The following DYRK1B variants were observed in gnomAD, a reference collection of about 807,000 sequenced individuals.
DYRK1B encodes the protein dual specificity tyrosine-phosphorylation-regulated kinase 1B.
DYRK1B carries 20 observed loss-of-function variants against 57.1 expected under a neutral mutation model. That is an observed-to-expected ratio of 0.35 (90% CI 0.25 to 0.51). DYRK1B has a LOEUF of 0.51. Ranked by LOEUF, DYRK1B falls within the 20% of genes least tolerant of loss-of-function variation. DYRK1B has a pLI of 0.96. For missense variants in DYRK1B, 732 were observed against 886.3 expected, an observed-to-expected ratio of 0.83 and a Z score of 2.21; for synonymous variants, 409 against 384.7, an observed-to-expected ratio of 1.06 and a Z score of -0.74.
Position 39,825,415 on chromosome 19 carries a change from C to G in DYRK1B, c.*300G>C. 1 of 382,176 alleles carries G rather than the reference C, an allele frequency of 2.6e-6. No homozygotes were observed. The highest frequency in any genetic ancestry group is 4.7e-6 in the Non-Finnish European group (1 of 210,652). The allele number at this position is 382,176 out of a possible 1,614,324, so 23.7% of individuals were successfully genotyped here. A position where few individuals can be genotyped will look rare whatever the true frequency, so the allele number is the denominator to read the frequency against. The stretch of plus-strand genomic sequence containing the variant: ...AAGGCCATCTCCCCCTACCTGCCCC[C>G]ACCCCCTCCTAGGGTCCTGGGGTGA... On this transcript the variant is annotated 3_prime_UTR_variant, in exon 11 of 11. Coordinates refer to ENST00000323039, the MANE Select transcript of DYRK1B (RefSeq NM_004714.3).
At chr19:39,831,207 A>T (rs1968793569) in intron 2 of DYRK1B, among the ~76,000 whole-genome samples, 1 of 151,900 alleles carries the variant, frequency 6.6e-6, no homozygotes. Flanking sequence ...TACTCCCACC[A>T]ACTCTTTGCA....
chr19:39,833,196 C>T (rs1031149174), intron 1 of DYRK1B: 32 of 985,856 alleles, frequency 3.2e-5, no homozygotes, highest in Non-Finnish European at 3.7e-5. Flanking sequence ...CTTGGAGCTT[C>T]CCCCAAAAAA....
rs1968721343 is a variant in DYRK1B, at chr19:39,829,795, A to T, written c.520+85T>A. The stretch of plus-strand genomic sequence containing the variant: ...CTGAAGACATCAGCCTCCTCCTGAG[A>T]GTAGGGCGGGGGTGTGACCCATCCC... On this transcript the variant is annotated intron_variant, in intron 5 of 10. Transcript: ENST00000323039. 10 of 1,493,602 alleles carry T rather than the reference A, an allele frequency of 6.7e-6. No individual in the cohort carries two copies. In the South Asian group the frequency reaches 1.0e-4, roughly 15 times the overall value. 92.5% of individuals were successfully genotyped at this position (1,493,602 alleles called of 1,614,324 possible).
chr19:39,833,000 G>C, intron 1 of DYRK1B: 1 of 985,112 alleles, frequency 1.0e-6, no homozygotes, highest in Non-Finnish European at 1.2e-6. Flanking sequence ...CTTTATACCA[G>C]GGTCATTCCA....
Position 39,828,603 on chromosome 19 carries a change from A to G in DYRK1B, c.521-20T>C. Reference sequence around the variant, plus strand: ...GGTGTACTGCGGGGGAGGGGAGGAAATGGGCCAGAGAAGAAACGGCTCAGA... The same window carrying G: ...GGTGTACTGCGGGGGAGGGGAGGAAGTGGGCCAGAGAAGAAACGGCTCAGA... On this transcript the variant is annotated intron_variant, in intron 5 of 10. Transcript: ENST00000323039. The surrounding 1 kb of genome is among the most constrained non-coding windows in gnomAD (Gnocchi z 4.3). The G allele has an allele frequency of 6.3e-7, 1 of 1,597,168 alleles. No individual in the cohort carries two copies. The highest frequency in any genetic ancestry group is 8.6e-7 in the Non-Finnish European group (1 of 1,167,826).
rs560281747 is a variant in DYRK1B at position 39,826,754 on chromosome 19, C to T, written c.1329G>A (p.Pro443=). Residue 443 remains proline, a synonymous_variant, in exon 9 of 11, where the codon CCG becomes CCA. Coordinates refer to ENST00000323039, the MANE Select transcript of DYRK1B (RefSeq NM_004714.3). This position sits in a 1 kb window ranked among gnomAD's most constrained non-coding sequence, Gnocchi z 6.3. The part of the protein sequence containing the change: ...RTADEATNTG[P]AGSSASTSPA... ...GCGAGGTGGAGGCACTGCTGCCTGC[C>T]GGGCCCGTGTTGGTGGCCTCGTCGG... 40 of 1,589,102 alleles carry T rather than the reference C, an allele frequency of 2.5e-5. No homozygotes were observed. The highest frequency in any genetic ancestry group is 8.0e-5 in the South Asian group (7 of 87,228).
Position 39,825,866 on chromosome 19 carries a change from G to A in DYRK1B, c.1739C>T (p.Pro580Leu), listed in dbSNP as rs1271897562. 1 of 1,601,124 alleles carries A rather than the reference G, an allele frequency of 6.2e-7. No individual in the cohort carries two copies. The stretch of plus-strand genomic sequence containing the variant: ...AGCCGGGTGCTGGGGGGCAGGCGCT[G>A]GGTGAGGTGGGGAGCAGTCAGCAGG... ...GGPADCSPPH[P>L]APAPQHPAAS... The change falls in exon 11 of 11, where the codon CCA becomes CTA. Residue 580 changes from proline (P) to leucine (L), a missense_variant. Physicochemically the swap from Pro to Leu is moderately conservative, Grantham distance 98 (BLOSUM62 -3). Coordinates refer to ENST00000323039, the MANE Select transcript of DYRK1B (RefSeq NM_004714.3).
At chr19:39,831,280 G>A (rs981038291) in intron 2 of DYRK1B, among the ~76,000 whole-genome samples, 1 of 151,886 alleles carries the variant, frequency 6.6e-6, no homozygotes, top group African/African-American at 2.4e-5. Flanking sequence ...ACTTCATCCT[G>A]CTTCAAGCTC....
At chr19:39,832,094 A>T in intron 1 of DYRK1B, 126 bp from the exon 2 acceptor site, 1 of 1,084,226 alleles carries the variant, frequency 9.2e-7, no homozygotes, top group Non-Finnish European at 1.2e-6. Flanking sequence ...ACAACGGAGC[A>T]GCAGATAGCA....
In DYRK1B at chr19:39,830,701, G is replaced by C. The variant is rs1968768089; in HGVS notation, c.146C>G (p.Ser49Cys). ...DATSAPLRKL[S>C]VDLIKTYKHI... ...CTTGTAGGTCTTGATGAGGTCCACA[G>C]AGAGCTTACGCAGCGGGGCTGAGGT... The change falls in exon 3 of 11, where the codon TCT becomes TGT. Residue 49 changes from serine to cysteine, a missense_variant. Physicochemically the swap from Ser to Cys is moderately radical, Grantham distance 112. Around this residue, in one of 2 missense-constraint regions of DYRK1B, gnomAD observed 510 missense variants for 681.3 expected, o/e 0.75. Coordinates refer to ENST00000323039, the MANE Select transcript of DYRK1B (RefSeq NM_004714.3). The C allele has an allele frequency of 6.2e-7, 1 of 1,614,054 alleles. No individual in the cohort carries two copies. The highest frequency in any genetic ancestry group is 1.3e-5 in the African/African-American group (1 of 74,928).
intron 1 of DYRK1B, chr19:39,833,374 C>A (rs1968917431): frequency 1.0e-6 from 1 of 984,780 alleles, no homozygotes. Context: ...GAAAAGGCGA[C>A]CGCCTGTCTC....
chr19:39,826,197 C>T lies in DYRK1B; in HGVS notation c.1501G>A (p.Glu501Lys). The T allele has an allele frequency of 1.3e-6, 2 of 1,580,528 alleles. No individual in the cohort carries two copies. Among genetic ancestry groups the T allele is most frequent in the Non-Finnish European group, 1.7e-6 (2 of 1,165,442 alleles). ...CCCATTACCTGGGGGCTGTTCATCT[C>T]ACAGTCTGTGATAGGGGGCCCAGGG... ...GGPGPPITDC[E>K]MNSPQVPPSQ... Residue 501 changes from glutamate (E) to lysine (K), a missense_variant, in exon 10 of 11, where the codon GAG (glutamate) becomes AAG (lysine). By Grantham distance (56) the Glu-to-Lys change is moderately conservative. This residue lies in a region of DYRK1B where 222 missense variants were observed against 205.0 expected (regional missense o/e 1.08). Coordinates refer to ENST00000323039, the MANE Select transcript of DYRK1B (RefSeq NM_004714.3). This position sits in a 1 kb window ranked among gnomAD's most constrained non-coding sequence, Gnocchi z 6.3.
chr19:39,833,069 T>A, intron 1 of DYRK1B: 1 of 985,316 alleles, frequency 1.0e-6, no homozygotes, highest in Non-Finnish European at 1.2e-6. Flanking sequence ...CACATAGGGT[T>A]CTCTCCTCCC....
In DYRK1B at chr19:39,827,433, C is replaced by T. The variant is rs1292833847; in HGVS notation, c.955-8G>A. 1 of 1,610,884 alleles carries T rather than the reference C, an allele frequency of 6.2e-7. No homozygotes were observed. The highest frequency in any genetic ancestry group is 2.2e-5 in the East Asian group (1 of 44,774). ...GCGGTTCATCTGGTCGACCTGTGAG[C>T]AGGCAGGGGTCAAGGTCATCAGGCC... On this transcript the variant is annotated splice_polypyrimidine_tract_variant and splice_region_variant and intron_variant, in intron 7 of 10. Coordinates refer to ENST00000323039, the MANE Select transcript of DYRK1B (RefSeq NM_004714.3).
At position 39,826,722 on chromosome 19, in the gene DYRK1B, G is replaced by C; in HGVS notation, c.1361C>G (p.Pro454Arg). ...AGSSASTSPA[P>R]LDTCPSSSTA... ...GCTGGAAGAGGGGCAGGTGTCGAGG[G>C]GCGCGGGCGAGGTGGAGGCACTGCT... is the stretch of plus-strand genomic sequence containing the variant. Residue 454 changes from proline (P) to arginine (R), a missense_variant, in exon 9 of 11, where the codon CCC becomes CGC. Physicochemically the swap from Pro to Arg is moderately radical, Grantham distance 103. Coordinates refer to ENST00000323039, the MANE Select transcript of DYRK1B (RefSeq NM_004714.3). The surrounding 1 kb of genome is among the most constrained non-coding windows in gnomAD (Gnocchi z 6.3). 6.2e-7 allele frequency: 1 copy of C among 1,604,284 alleles called. No homozygotes were observed. Among genetic ancestry groups the C allele is most frequent in the African/African-American group, 1.3e-5 (1 of 74,808 alleles).
rs892423180 is a variant in DYRK1B, at chr19:39,826,016, G to A, written c.1589C>T (p.Ala530Val). The change falls in exon 11 of 11, where the codon GCC (alanine) becomes GTC (valine). Residue 530 changes from alanine (A) to valine (V), a missense_variant. By Grantham distance (64) the Ala-to-Val change is moderately conservative (BLOSUM62 0). Around this residue, in one of 2 missense-constraint regions of DYRK1B, gnomAD observed 222 missense variants for 205.0 expected, o/e 1.08. Coordinates refer to ENST00000323039, the MANE Select transcript of DYRK1B (RefSeq NM_004714.3). The surrounding 1 kb of genome is among the most constrained non-coding windows in gnomAD (Gnocchi z 6.3). The part of the protein sequence containing the change: ...DVPHKTHQAP[A>V]SASSLPGTGA... ...GGTCCCAGGCAGTGACGAGGCAGAGGCAGGGGCTTGATGTGTCTTGTGGGG... is the reference window on the plus strand; with the variant it reads ...GGTCCCAGGCAGTGACGAGGCAGAGACAGGGGCTTGATGTGTCTTGTGGGG... 8 of 1,522,682 alleles carry A rather than the reference G, an allele frequency of 5.3e-6. No homozygotes were observed. Among genetic ancestry groups the A allele is most frequent in the African/African-American group, 4.2e-5 (3 of 71,692 alleles). The allele number at this position is 1,522,682 out of a possible 1,614,324, so 94.3% of individuals were successfully genotyped here.
In DYRK1B at chr19:39,828,558, G is replaced by T; in HGVS notation, c.546C>A (p.Phe182Leu). The change falls in exon 6 of 11, where the codon TTC becomes TTA. Residue 182 changes from phenylalanine (F) to leucine (L), a missense_variant. By Grantham distance (22) the Phe-to-Leu change is conservative (BLOSUM62 0). Coordinates refer to ENST00000323039, the MANE Select transcript of DYRK1B (RefSeq NM_004714.3). The surrounding 1 kb of genome is among the most constrained non-coding windows in gnomAD (Gnocchi z 4.3). Reference sequence around the variant, plus strand: ...CAAATACCAGGCACAGGTGGTTCCGGAACATGAAGTGCCGCTTCAGGTGTA... The same window carrying T: ...CAAATACCAGGCACAGGTGGTTCCGTAACATGAAGTGCCGCTTCAGGTGTA... ...YIVHLKRHFM[F>L]RNHLCLVFEL... 1 of 1,610,018 alleles carries T rather than the reference G, an allele frequency of 6.2e-7. No individual in the cohort carries two copies. The highest frequency in any genetic ancestry group is 8.5e-7 in the Non-Finnish European group (1 of 1,176,846).
chr19:39,831,088 A>G (rs943135383), intron 2 of DYRK1B, among the ~76,000 whole-genome samples: 2 of 152,168 alleles, frequency 1.3e-5, no homozygotes, highest in Non-Finnish European at 2.9e-5. Flanking sequence ...GATCATATGG[A>G]AAACCTGGGC....
intron 2 of DYRK1B, 150 bp downstream of exon 2, chr19:39,831,655 A>C: frequency 9.7e-7 from 1 of 1,030,512 alleles, no homozygotes; most frequent in African/African-American, 1.6e-5. Context: ...ACTCTGCCTG[A>C]AAACTCCTCT....
Sources: allele counts gnomAD v4.1 joint callset (sites outside exome capture counted in the v4.1 genomes callset), GRCh38; gene constraint gnomAD v4.1.1; regional missense constraint gnomAD v4.1.1; non-coding constraint Gnocchi (gnomAD v3.1); transcripts MANE v1.5; gene names NCBI Gene and HGNC (gene_info 2026-07-23, HGNC 2026-07-21).